Variants in PDE4D observed in about 807,000 individuals in gnomAD.
PDE4D encodes phosphodiesterase 4D.
PDE4D carries 24 observed loss-of-function variants against 87.4 expected under a neutral mutation model. That is an observed-to-expected ratio of 0.27 (90% confidence interval 0.20 to 0.39). The LOEUF (loss-of-function observed/expected upper bound fraction) is 0.39, where lower values mean the gene tolerates loss of function less well. Ranked by LOEUF, PDE4D falls within the 10% of genes least tolerant of loss-of-function variation. The pLI is 1.00. For synonymous variants in PDE4D, 384 were observed against 383.2 expected, an observed-to-expected ratio of 1.00 and a Z score of -0.02; for missense variants, 714 against 1,041.0, an observed-to-expected ratio of 0.69 and a Z score of 4.32.
chr5:59,598,885 A>G (rs1036091908), intron 1 of PDE4D, among the ~76,000 whole-genome samples: 3 of 152,156 alleles, frequency 2.0e-5, no homozygotes, highest in Admixed American at 2.0e-4. Flanking sequence ...TCAAGGCTGC[A>G]GTGGGTGACA....
chr5:60,083,826 T>C (rs1297012239), intron 2 of PDE4D, among the ~76,000 whole-genome samples: 1 of 152,232 alleles, frequency 6.6e-6, no homozygotes, highest in Non-Finnish European at 1.5e-5. Context: ...GGCTTGTTCC[T>C]TGACAGTTGC....
intron 1 of PDE4D, among the ~76,000 whole-genome samples, chr5:59,575,748 A>G (rs1407395521): frequency 6.6e-6 from 1 of 152,186 alleles, no homozygotes; most frequent in Non-Finnish European, 1.5e-5. Flanking sequence ...TTTATTGAGC[A>G]CCTACTATGT....
chr5:59,095,935 T>C (rs1580772569), intron 5 of PDE4D, among the ~76,000 whole-genome samples: 1 of 152,232 alleles, frequency 6.6e-6, no homozygotes, highest in African/African-American at 2.4e-5. Context: ...TTGCTTTTTA[T>C]TTCCCTTAAG....
intron 3 of PDE4D, chr5:59,986,264 C>T (rs1420684561): frequency 1.3e-5 from 2 of 152,590 alleles, no homozygotes; most frequent in African/African-American, 4.8e-5. Flanking sequence ...CCATGTTGCC[C>T]AGGCTTGCCT....
At chr5:59,440,053 T>A (rs1391115828) in intron 1 of PDE4D, among the ~76,000 whole-genome samples, 1 of 152,244 alleles carries the variant, frequency 6.6e-6, no homozygotes, top group Admixed American at 6.5e-5. Context: ...GTTTCTAAAC[T>A]GAAACATCTC....
intron 1 of PDE4D, among the ~76,000 whole-genome samples, chr5:60,270,135 T>C (rs1294425587): frequency 6.6e-6 from 1 of 152,142 alleles, no homozygotes; most frequent in Non-Finnish European, 1.5e-5. Context: ...GAGTATACCA[T>C]GAACCAAGAC....
chr5:60,173,492 T>C (rs1266190967), intron 2 of PDE4D, among the ~76,000 whole-genome samples: 1 of 152,122 alleles, frequency 6.6e-6, no homozygotes, highest in Non-Finnish European at 1.5e-5. Flanking sequence ...ACATTTCATC[T>C]AATCAGTCTT....
At chr5:60,089,839 C>A (rs1478895400) in intron 2 of PDE4D, among the ~76,000 whole-genome samples, 1 of 149,922 alleles carries the variant, frequency 6.7e-6, no homozygotes, top group Non-Finnish European at 1.5e-5. Flanking sequence ...GAATATATTA[C>A]AACTGATACT....
At position 60,087,125 on chromosome 5, in the gene PDE4D, C is replaced by A. The variant is rs548663689; in HGVS notation, c.43-98408G>T. ...ACTTCCAGTGCTCACTATAAAACAT[C>A]CCCAGAGTGGGAAACAATGGCAGGG... On this transcript the variant is annotated intron_variant, in intron 2 of 16. Transcript: ENST00000502484. Among the ~76,000 whole-genome samples, 10 of 152,338 alleles carry A rather than the reference C, an allele frequency of 6.6e-5. No homozygotes were observed. The East Asian group carries it at 1.9e-3, about 29-fold the overall frequency.
intron 1 of PDE4D, among the ~76,000 whole-genome samples, chr5:59,534,586 A>C (rs755859958): frequency 6.6e-6 from 1 of 152,210 alleles, no homozygotes; most frequent in Non-Finnish European, 1.5e-5. Flanking sequence ...GCAGCAGAAT[A>C]GTATGCACAT....
chr5:59,589,008 G>A (rs1825574887), intron 1 of PDE4D, among the ~76,000 whole-genome samples: 3 of 152,150 alleles, frequency 2.0e-5, no homozygotes, highest in Admixed American at 6.5e-5. Flanking sequence ...CATCTACAAT[G>A]CCCCAGGTCC....
intron 1 of PDE4D, among the ~76,000 whole-genome samples, chr5:59,709,839 C>A (rs1234379244): frequency 6.6e-6 from 1 of 152,096 alleles, no homozygotes; most frequent in Non-Finnish European, 1.5e-5. Flanking sequence ...GAAGTAATAA[C>A]CATTAGCATA....
At chr5:59,264,642 C>T (rs1358231003) in intron 1 of PDE4D, among the ~76,000 whole-genome samples, 3 of 151,902 alleles carry the variant, frequency 2.0e-5, no homozygotes, top group African/African-American at 4.8e-5. Context: ...TTTTCCCAAG[C>T]TGGTGAACTC....
At chr5:60,158,854 C>T (rs1782226168) in intron 2 of PDE4D, among the ~76,000 whole-genome samples, 1 of 152,216 alleles carries the variant, frequency 6.6e-6, no homozygotes, top group Admixed American at 6.5e-5. Context: ...CAGGCGTGAG[C>T]CACCGCGCCA....
At chr5:60,351,781 T>TTTTTTTTATTTA (rs1554020339) in intron 1 of PDE4D, among the ~76,000 whole-genome samples, 3 of 147,208 alleles carry the variant, frequency 2.0e-5, no homozygotes, top group South Asian at 4.5e-4. Flanking sequence ...CACCTAATTA[T>TTTTTTTTATTTA]TTTATTTATT....
intron 5 of PDE4D, among the ~76,000 whole-genome samples, chr5:59,130,447 A>G (rs965218028): frequency 6.6e-6 from 1 of 152,226 alleles, no homozygotes; most frequent in East Asian, 1.9e-4. Flanking sequence ...TACAAAATTG[A>G]GTTAATTTCA....
chr5:59,661,097 T>TATATATATATATATATA (rs1561426172), intron 1 of PDE4D, among the ~76,000 whole-genome samples: 13 of 147,794 alleles, frequency 8.8e-5, no homozygotes, highest in African/African-American at 2.5e-4. Flanking sequence ...TATATATATA[T>TATATATATATATATATA]TTTGTCATCT....
intron 1 of PDE4D, among the ~76,000 whole-genome samples, chr5:59,834,054 TA>T: frequency 6.6e-6 from 1 of 152,162 alleles, no homozygotes; most frequent in Non-Finnish European, 1.5e-5. Flanking sequence ...GAGACTGCCC[TA>T]CAGAATTAAA....
At chr5:60,216,199 C>A (rs2149585828) in intron 1 of PDE4D, among the ~76,000 whole-genome samples, 1 of 152,212 alleles carries the variant, frequency 6.6e-6, no homozygotes, top group Non-Finnish European at 1.5e-5. Context: ...ATGAAAGTGA[C>A]TTCCAAGTAA....
Sources: allele counts gnomAD v4.1 joint callset (sites outside exome capture counted in the v4.1 genomes callset), GRCh38; gene constraint gnomAD v4.1.1; transcripts MANE v1.5; gene names NCBI Gene and HGNC (gene_info 2026-07-23, HGNC 2026-07-21).